The following TMEM71 variants were observed in gnomAD, a reference collection of about 807,000 sequenced individuals.
TMEM71 encodes transmembrane protein 71.
In TMEM71, 44 loss-of-function variants were observed where a neutral mutation model predicts 38.0. The observed-to-expected ratio is 1.16, with a 90% CI of 0.91 to 1.49. The LOEUF is 1.49. Ranked by LOEUF, TMEM71 falls within the 40% of genes most tolerant of loss-of-function variation. The pLI is 0.00. For missense variants in TMEM71, 367 were observed against 348.6 expected, an observed-to-expected ratio of 1.05 and a Z score of -0.42; for synonymous variants, 133 against 122.5, an observed-to-expected ratio of 1.09 and a Z score of -0.56.
At chr8:132,750,012 C>A (rs370947622) in intron 4 of TMEM71, among the ~76,000 whole-genome samples, 82 of 124,166 alleles carry the variant, frequency 6.6e-4, no homozygotes, top group South Asian at 1.1e-3. Flanking sequence ...GACTCCATCT[C>A]AAAAAAAAAA....
the TMEM71 span, among the ~76,000 whole-genome samples, chr8:132,773,120 T>C: frequency 6.6e-6 from 1 of 152,180 alleles, no homozygotes; most frequent in Non-Finnish European, 1.5e-5. Context: ...CATCTAGAAG[T>C]CATGCATGAC....
rs761984644 is a variant in TMEM71 at position 132,727,985 on chromosome 8, T to C, written c.489A>G (p.Ala163=). 19 of 1,607,846 alleles carry C rather than the reference T, an allele frequency of 1.2e-5. No individual in the cohort carries two copies. The highest frequency in any genetic ancestry group is 1.5e-5 in the Non-Finnish European group (18 of 1,177,752). The change falls in exon 6 of 10, where the codon GCA becomes GCG. Residue 163 remains alanine, a splice_region_variant and synonymous_variant. Coordinates refer to ENST00000677595, the MANE Select transcript of TMEM71 (RefSeq NM_001382403.1). The stretch of plus-strand genomic sequence containing the variant: ...TCAGAGAAGAACAGTCTAAATCATC[T>C]GCTGAAAAAGCAGAGGGGTTCAGTG... ...RLDTDHCNGN[A]DDLDCSSLTD...
chr8:132,766,690 C>T, the TMEM71 span, among the ~76,000 whole-genome samples: 1 of 151,100 alleles, frequency 6.6e-6, no homozygotes, highest in African/African-American at 2.4e-5. Flanking sequence ...ACTCAGGAGG[C>T]TGAGGCAGTA....
chr8:132,761,977 G>T (rs1253850433), upstream of TMEM71, among the ~76,000 whole-genome samples: 2 of 152,178 alleles, frequency 1.3e-5, no homozygotes, highest in African/African-American at 2.4e-5. Flanking sequence ...TCTAATGCTC[G>T]ATTGGAACTG....
the TMEM71 span, among the ~76,000 whole-genome samples, chr8:132,769,043 C>T: frequency 6.6e-6 from 1 of 152,214 alleles, no homozygotes; most frequent in Non-Finnish European, 1.5e-5. Flanking sequence ...ATCCCTTATG[C>T]TCCCTGAAAC....
downstream of TMEM71, among the ~76,000 whole-genome samples, chr8:132,709,003 T>C (rs1344287478): frequency 1.3e-5 from 2 of 152,216 alleles, no homozygotes; most frequent in African/African-American, 4.8e-5. Flanking sequence ...AACTTGTTAC[T>C]GTAGCCATAG....
the TMEM71 span, chr8:132,775,330 C>T: frequency 3.5e-5 from 12 of 346,596 alleles, no homozygotes; most frequent in African/African-American, 2.4e-4. Context: ...GTGACAAGGC[C>T]AGGCCCGCTT....
chr8:132,758,900 A>T lies in TMEM71; in HGVS notation c.-21T>A. 1 of 1,611,948 alleles carries T rather than the reference A, an allele frequency of 6.2e-7. No homozygotes were observed. The highest frequency in any genetic ancestry group is 8.5e-7 in the Non-Finnish European group (1 of 1,178,164). Reference sequence around the variant, plus strand: ...TACATCTTGGGAAGGCCGCTTGCTCAAACTTCACAGATTCTCTGCAAAAGA... The same window carrying T: ...TACATCTTGGGAAGGCCGCTTGCTCTAACTTCACAGATTCTCTGCAAAAGA... On this transcript the variant is annotated 5_prime_UTR_variant, in exon 2 of 10. It removes the in-frame stop codon of an upstream open reading frame in the 5' UTR. Transcript: ENST00000677595.
At chr8:132,753,372 C>T (rs1428721418) in intron 3 of TMEM71, among the ~76,000 whole-genome samples, 2 of 152,104 alleles carry the variant, frequency 1.3e-5, no homozygotes, top group Non-Finnish European at 2.9e-5. Context: ...GTGCTCTTTA[C>T]CTTGATGTTT....
intron 6 of TMEM71, among the ~76,000 whole-genome samples, chr8:132,726,647 G>A (rs984730769): frequency 6.6e-6 from 1 of 152,196 alleles, no homozygotes; most frequent in South Asian, 2.1e-4. Flanking sequence ...CAATGACAGA[G>A]TGGGCTCTTT....
the TMEM71 span, chr8:132,775,396 CCGGCGGCGGAGGCGGCGGCGG>C: frequency 7.9e-6 from 3 of 379,814 alleles, no homozygotes; most frequent in Non-Finnish European, 1.4e-5. Context: ...TCAGGGCTGG[CCGGCGGCGGAGGCGGCGGCGG>C]CGGCGGCGAT....
rs116894485 is a variant in TMEM71 at position 132,714,945 on chromosome 8, A to G, written c.753-730T>C. Among the ~76,000 whole-genome samples, 148 of 152,360 alleles carry G rather than the reference A, an allele frequency of 9.7e-4. No individual in the cohort carries two copies. The East Asian group carries it at 0.026, about 27-fold the overall frequency. On this transcript the variant is annotated intron_variant, in intron 7 of 9. Coordinates refer to ENST00000677595, the MANE Select transcript of TMEM71 (RefSeq NM_001382403.1). ...CACCAAAGAATATATACAAATGTCA[A>G]TAAGTATAAAAACAGATGTTCAACA...
At chr8:132,757,825 CAAAA>C (rs56859505) in intron 2 of TMEM71, among the ~76,000 whole-genome samples, 1,881 of 107,186 alleles carry the variant, frequency 0.018, 53 homozygotes, top group East Asian at 0.12. Context: ...GATTCTGTCT[CAAAA>C]AAAAAAAAAA....
At chr8:132,768,808 T>C in the TMEM71 span, among the ~76,000 whole-genome samples, 1 of 152,244 alleles carries the variant, frequency 6.6e-6, no homozygotes, top group Non-Finnish European at 1.5e-5. Flanking sequence ...GGGGAATTAT[T>C]TCATTTGAAT....
At chr8:132,731,809 A>C (rs901063663) in intron 5 of TMEM71, among the ~76,000 whole-genome samples, 2 of 152,236 alleles carry the variant, frequency 1.3e-5, no homozygotes, top group African/African-American at 4.8e-5. Flanking sequence ...GAATCTGAAC[A>C]GCCCCAGTTA....
upstream of TMEM71, among the ~76,000 whole-genome samples, chr8:132,764,368 C>CT (rs1363523154): frequency 1.3e-5 from 2 of 152,024 alleles, no homozygotes; most frequent in African/African-American, 4.8e-5. Flanking sequence ...CACTTGGCCT[C>CT]TCTCCAATAC....
At chr8:132,722,580 A>G (rs1294188670) in intron 6 of TMEM71, among the ~76,000 whole-genome samples, 1 of 152,234 alleles carries the variant, frequency 6.6e-6, no homozygotes, top group Non-Finnish European at 1.5e-5. Context: ...TGCAAAGAGA[A>G]GAAAAAGACT....
intron 7 of TMEM71, among the ~76,000 whole-genome samples, chr8:132,715,069 G>A (rs780190254): frequency 6.6e-6 from 1 of 152,126 alleles, no homozygotes; most frequent in African/African-American, 2.4e-5. Context: ...CAAAATGCTG[G>A]GAGGATGCAG....
chr8:132,729,187 T>C (rs1205776186), intron 5 of TMEM71, among the ~76,000 whole-genome samples: 1 of 152,252 alleles, frequency 6.6e-6, no homozygotes, highest in Non-Finnish European at 1.5e-5. Context: ...GAATGAATTT[T>C]AATCCTTGAT....
Sources: gnomAD v4.1 joint callset for allele counts (sites outside exome capture counted in the v4.1 genomes callset) on GRCh38, gnomAD v4.1.1 for gene constraint, MANE v1.5 for transcripts, NCBI Gene and HGNC (gene_info 2026-07-23, HGNC 2026-07-21) for gene names.